The following MBD5 variants were observed in gnomAD, a reference collection of about 807,000 sequenced individuals.
MBD5 encodes methyl-CpG-binding domain protein 5.
A neutral mutation model predicts 117.3 loss-of-function variants in MBD5; 13 were observed. That is an observed-to-expected ratio of 0.11 (90% CI 0.07 to 0.18). MBD5 has a LOEUF of 0.18. MBD5 is among the 10% of genes least tolerant of loss of function. The pLI is 1.00. For synonymous variants in MBD5, 727 were observed against 766.4 expected (o/e 0.95, Z 0.85); for missense variants, 1,879 against 2,093.8 (o/e 0.90, Z 2.00).
chr2:148,182,328 A>G (rs1698552367), intron 2 of MBD5, among the ~76,000 whole-genome samples: 1 of 152,182 alleles, frequency 6.6e-6, no homozygotes, highest in Non-Finnish European at 1.5e-5. Context: ...GTTATGTATT[A>G]TATGTATAGA....
intron 1 of MBD5, among the ~76,000 whole-genome samples, chr2:148,152,066 T>C (rs1470149581): frequency 6.6e-6 from 1 of 151,894 alleles, no homozygotes; most frequent in African/African-American, 2.4e-5. Flanking sequence ...CTGCTTTCTC[T>C]TGTGGGCATT....
At chr2:148,381,043 A>T (rs1162482576) in intron 4 of MBD5, among the ~76,000 whole-genome samples, 1 of 152,066 alleles carries the variant, frequency 6.6e-6, no homozygotes, top group Admixed American at 6.6e-5. Flanking sequence ...AAAAACCAGA[A>T]ACTCAAAATC....
At chr2:148,336,502 T>C (rs931996785) in intron 3 of MBD5, among the ~76,000 whole-genome samples, 4 of 152,152 alleles carry the variant, frequency 2.6e-5, no homozygotes, top group Non-Finnish European at 5.9e-5. Flanking sequence ...TCCTTCCATG[T>C]CAGCCTCCCT....
chr2:148,475,493 G>C (rs1344107592), intron 8 of MBD5, among the ~76,000 whole-genome samples: 1 of 152,008 alleles, frequency 6.6e-6, no homozygotes, highest in African/African-American at 2.4e-5. Flanking sequence ...TTCAGCTGTA[G>C]ACGTTGAGTC....
intron 1 of MBD5, among the ~76,000 whole-genome samples, chr2:148,161,438 A>G (rs1049003508): frequency 3.9e-5 from 6 of 152,240 alleles, no homozygotes; most frequent in Non-Finnish European, 8.8e-5. Flanking sequence ...CTTTAAAGCT[A>G]AGGAAAAATT....
Position 148,458,371 on chromosome 2 carries a change from C to A in MBD5, c.-388C>A. 1 of 465,224 alleles carries A rather than the reference C, an allele frequency of 2.1e-6. No homozygotes were observed. The highest frequency in any genetic ancestry group is 3.8e-6 in the Non-Finnish European group (1 of 264,840). 28.8% of individuals were successfully genotyped at this position (465,224 alleles called of 1,614,324 possible). ...TGTAAAAATGAGACCAGTTTCTAAA[C>A]AATAGAGATTGTCTTAGTACAACAT... On this transcript the variant is annotated 5_prime_UTR_variant, in exon 5 of 14. Coordinates refer to ENST00000642680, the MANE Select transcript of MBD5 (RefSeq NM_001378120.1).
At position 148,469,985 on chromosome 2, in the gene MBD5, C is replaced by G. The variant is rs1455498412; in HGVS notation, c.2042C>G (p.Pro681Arg). 1 of 1,613,760 alleles carries G rather than the reference C, an allele frequency of 6.2e-7. No individual in the cohort carries two copies. Among genetic ancestry groups the G allele is most frequent in the East Asian group, 2.2e-5 (1 of 44,890 alleles). The change falls in exon 8 of 14, where the codon CCT becomes CGT. Residue 681 changes from proline (P) to arginine (R), a missense_variant. Physicochemically the swap from Pro to Arg is moderately radical, Grantham distance 103. Coordinates refer to ENST00000642680, the MANE Select transcript of MBD5 (RefSeq NM_001378120.1). ...TCTCAAATGGATAGTTCTGCAGTTC[C>G]TAAACCTGGACCTGACTTGCTAAGG... ...RQSQMDSSAV[P>R]KPGPDLLRKQ...
intron 12 of MBD5, among the ~76,000 whole-genome samples, chr2:148,503,786 G>C (rs1681943588): frequency 6.6e-6 from 1 of 152,134 alleles, no homozygotes; most frequent in Non-Finnish European, 1.5e-5. Context: ...GCAGAGCTTA[G>C]CAACAAGATA....
intron 1 of MBD5, among the ~76,000 whole-genome samples, chr2:148,162,517 T>A (rs1254500050): frequency 6.6e-6 from 1 of 152,240 alleles, no homozygotes; most frequent in Non-Finnish European, 1.5e-5. Flanking sequence ...GTGATCTGTT[T>A]GAATTTATTT....
At chr2:148,487,170 A>G (rs2105104079) in intron 10 of MBD5, among the ~76,000 whole-genome samples, 1 of 152,348 alleles carries the variant, frequency 6.6e-6, no homozygotes, top group African/African-American at 2.4e-5. Context: ...GTGCTATAGT[A>G]TTGCAGAACA....
At chr2:148,373,661 A>G (rs1703915274) in intron 4 of MBD5, among the ~76,000 whole-genome samples, 1 of 152,114 alleles carries the variant, frequency 6.6e-6, no homozygotes, top group Non-Finnish European at 1.5e-5. Context: ...ACCTCTCTAT[A>G]TGCAAAGTAC....
chr2:148,337,855 G>T (rs1702838905), intron 3 of MBD5, among the ~76,000 whole-genome samples: 1 of 152,060 alleles, frequency 6.6e-6, no homozygotes, highest in Admixed American at 6.5e-5. Context: ...CTTTACTGAA[G>T]GCTGCATAAA....
chr2:148,105,221 CTTTT>C (rs59445751), intron 1 of MBD5, among the ~76,000 whole-genome samples: 5 of 130,042 alleles, frequency 3.8e-5, no homozygotes, highest in Admixed American at 7.8e-5. Flanking sequence ...ACGTTTCTTT[CTTTT>C]TTTTTTTTTT....
At chr2:148,151,491 T>C (rs1271319573) in intron 1 of MBD5, among the ~76,000 whole-genome samples, 1 of 152,238 alleles carries the variant, frequency 6.6e-6, no homozygotes, top group African/African-American at 2.4e-5. Context: ...CTTTTTCTAT[T>C]GATTGGAATA....
chr2:148,397,325 CTTTTTTTTTTTTTTT>C (rs34236548), intron 4 of MBD5, among the ~76,000 whole-genome samples: 1 of 100,670 alleles, frequency 9.9e-6, no homozygotes, highest in African/African-American at 3.8e-5. Context: ...TCTTCTGATC[CTTTTTTTTTTTTTTT>C]TTTTTTTGAG....
intron 4 of MBD5, among the ~76,000 whole-genome samples, chr2:148,435,774 T>C (rs1398031751): frequency 6.6e-6 from 1 of 152,308 alleles, no homozygotes; most frequent in East Asian, 1.9e-4. Context: ...TTATTGAATT[T>C]GAATGTTGGC....
rs1380070761 is a variant in MBD5, at chr2:148,227,668, G to A, written c.-830-5577G>A. The stretch of plus-strand genomic sequence containing the variant: ...CTGTGAAGAAAGTCTTTGGTAGCTT[G>A]ATGGGGATGGCATTGAATCTATAAA... On this transcript the variant is annotated intron_variant, in intron 2 of 13. Transcript: ENST00000642680. 3.3e-5 allele frequency among the ~76,000 whole-genome samples: 5 copies of A among 152,306 alleles called. No homozygotes were observed. In the East Asian group the frequency reaches 9.6e-4, roughly 29 times the overall value.
chr2:148,036,309 CCTT>C (rs909866155), intron 1 of MBD5, among the ~76,000 whole-genome samples: 4 of 152,126 alleles, frequency 2.6e-5, no homozygotes, highest in African/African-American at 7.2e-5. Context: ...TATCTGTTCT[CCTT>C]ATTGAGAATT....
chr2:148,483,043 A>T (rs1267176889), intron 8 of MBD5, 67 bp from the exon 9 acceptor site: 10 of 1,541,942 alleles, frequency 6.5e-6, no homozygotes, highest in Non-Finnish European at 8.8e-6. Flanking sequence ...ATGCATTTTT[A>T]TGCCTAGTCT....
Sources: allele counts gnomAD v4.1 joint callset (sites outside exome capture counted in the v4.1 genomes callset), GRCh38; gene constraint gnomAD v4.1.1; transcripts MANE v1.5; gene names NCBI Gene and HGNC (gene_info 2026-07-23, HGNC 2026-07-21).